The following RIMS1 variants were observed in gnomAD, a reference collection of about 807,000 sequenced individuals.
RIMS1 encodes regulating synaptic membrane exocytosis 1.
RIMS1 carries 83 observed loss-of-function variants against 214.1 expected under a neutral mutation model. That is an observed-to-expected ratio of 0.39 (90% CI 0.32 to 0.47). The LOEUF (loss-of-function observed/expected upper bound fraction) is 0.47. RIMS1 is among the 20% of genes least tolerant of loss of function. The pLI, the probability that RIMS1 is intolerant of heterozygous loss-of-function variation, is 0.99. For missense variants in RIMS1, 2,050 were observed against 2,161.8 expected (o/e 0.95, Z 1.03); for synonymous variants, 793 against 786.8 (o/e 1.01, Z -0.13).
At chr6:72,049,018 C>T (rs1414779440) in intron 2 of RIMS1, among the ~76,000 whole-genome samples, 1 of 152,132 alleles carries the variant, frequency 6.6e-6, no homozygotes, top group Non-Finnish European at 1.5e-5. Context: ...GCTGCTGATG[C>T]AGAGGACTCA....
chr6:72,164,536 A>C (rs183324553), intron 4 of RIMS1, among the ~76,000 whole-genome samples: 1 of 152,266 alleles, frequency 6.6e-6, no homozygotes, highest in Non-Finnish European at 1.5e-5. Flanking sequence ...TTGGCTCCAC[A>C]AAAGTTTGTA....
chr6:71,937,310 G>C (rs1784743158), intron 1 of RIMS1, among the ~76,000 whole-genome samples: 1 of 152,116 alleles, frequency 6.6e-6, no homozygotes, highest in African/African-American at 2.4e-5. Flanking sequence ...ACCCAGGCTA[G>C]AGTGCACTGG....
chr6:72,204,878 G>A (rs1436968379), intron 6 of RIMS1, among the ~76,000 whole-genome samples: 2 of 152,040 alleles, frequency 1.3e-5, no homozygotes, highest in Admixed American at 6.5e-5. Context: ...TACTGCTGAG[G>A]ATGATTGGGT....
chr6:72,303,993 A>G (rs921141820), intron 26 of RIMS1, among the ~76,000 whole-genome samples: 3 of 151,642 alleles, frequency 2.0e-5, no homozygotes, highest in Non-Finnish European at 4.4e-5. Flanking sequence ...ACTTTATTAT[A>G]CATAAGCTAA....
At chr6:72,381,854 A>T (rs1176054123) in intron 29 of RIMS1, among the ~76,000 whole-genome samples, 2 of 152,236 alleles carry the variant, frequency 1.3e-5, no homozygotes, top group East Asian at 3.8e-4. Context: ...GAACAGATGA[A>T]TCCTTTTCTG....
intron 4 of RIMS1, among the ~76,000 whole-genome samples, chr6:72,177,722 A>G (rs187567381): frequency 2.7e-4 from 41 of 152,292 alleles, no homozygotes; most frequent in Non-Finnish European, 5.1e-4. Flanking sequence ...GAGACAAAAA[A>G]CAAACCAACC....
At chr6:72,382,024 A>G (rs903744951) in intron 29 of RIMS1, among the ~76,000 whole-genome samples, 3 of 152,218 alleles carry the variant, frequency 2.0e-5, no homozygotes, top group South Asian at 2.1e-4. Context: ...GATTCCATCT[A>G]TCTCACAAAA....
intron 2 of RIMS1, among the ~76,000 whole-genome samples, chr6:72,042,635 T>A (rs1416260398): frequency 6.6e-6 from 1 of 151,916 alleles, no homozygotes; most frequent in Non-Finnish European, 1.5e-5. Flanking sequence ...GTATAACACT[T>A]GTACTTTCTC....
chr6:72,338,710 A>G (rs932575305), intron 29 of RIMS1, among the ~76,000 whole-genome samples: 2 of 151,934 alleles, frequency 1.3e-5, no homozygotes, highest in African/African-American at 2.4e-5. Flanking sequence ...AACACACAAG[A>G]CATACTATTC....
intron 1 of RIMS1, among the ~76,000 whole-genome samples, chr6:71,914,261 A>G (rs573941685): frequency 6.6e-6 from 1 of 152,218 alleles, no homozygotes; most frequent in South Asian, 2.1e-4. Context: ...AGTTGCAAAT[A>G]TTCATAAGCT....
chr6:72,128,990 A>C, intron 4 of RIMS1, among the ~76,000 whole-genome samples: 1 of 152,228 alleles, frequency 6.6e-6, no homozygotes, highest in African/African-American at 2.4e-5. Flanking sequence ...CAGAATCTGT[A>C]ACATAGCATA....
chr6:72,063,105 T>C (rs775128736), intron 2 of RIMS1, among the ~76,000 whole-genome samples: 2 of 152,100 alleles, frequency 1.3e-5, no homozygotes, highest in Non-Finnish European at 2.9e-5. Context: ...AGAATGAACT[T>C]AATTCCAGGA....
At chr6:72,119,289 A>G (rs915448902) in intron 4 of RIMS1, among the ~76,000 whole-genome samples, 6 of 151,822 alleles carry the variant, frequency 4.0e-5, no homozygotes, top group African/African-American at 1.4e-4. Context: ...GGAAAGTGCA[A>G]AATGCTGCCA....
intron 6 of RIMS1, 49 bp downstream of exon 6, chr6:72,183,198 C>G (rs1191151809): frequency 1.3e-6 from 2 of 1,559,196 alleles, no homozygotes; most frequent in Admixed American, 3.8e-5. Context: ...AGTGAAGAGG[C>G]GTGGGCAGAG....
chr6:72,333,556 C>T, intron 28 of RIMS1, 44 bp from the exon 29 acceptor site: 1 of 1,376,286 alleles, frequency 7.3e-7, no homozygotes, highest in Non-Finnish European at 1.0e-6. Flanking sequence ...TGATGCTGAC[C>T]TGTAATTTAT....
chr6:72,127,105 A>G (rs1045962876), intron 4 of RIMS1, among the ~76,000 whole-genome samples: 1 of 152,206 alleles, frequency 6.6e-6, no homozygotes, highest in Admixed American at 6.5e-5. Flanking sequence ...ACCTACCCCA[A>G]TGAATATTTC....
intron 28 of RIMS1, among the ~76,000 whole-genome samples, chr6:72,331,813 G>A (rs1393785028): frequency 6.6e-6 from 1 of 151,734 alleles, no homozygotes; most frequent in Non-Finnish European, 1.5e-5. Flanking sequence ...AAAACTGACT[G>A]GAATAAGTTG....
chr6:72,007,532 A>G (rs1342704481), intron 2 of RIMS1, among the ~76,000 whole-genome samples: 3 of 152,216 alleles, frequency 2.0e-5, no homozygotes, highest in African/African-American at 7.2e-5. Flanking sequence ...CTCTGAGCTA[A>G]AGGAGGAAGT....
At chr6:72,265,892 C>A in intron 21 of RIMS1, 68 bp from the exon 22 acceptor site, 2 of 1,108,686 alleles carry the variant, frequency 1.8e-6, no homozygotes, top group East Asian at 2.6e-5. Flanking sequence ...TACTCTCTAA[C>A]ATGGTCTTCC....
Sources: allele counts gnomAD v4.1 joint callset (sites outside exome capture counted in the v4.1 genomes callset), GRCh38; gene constraint gnomAD v4.1.1; transcripts MANE v1.5; gene names NCBI Gene and HGNC (gene_info 2026-07-23, HGNC 2026-07-21).